PEX5L: variants seen among roughly 807,000 people sequenced by gnomAD.
PEX5L encodes peroxisomal biogenesis factor 5 like.
A neutral mutation model predicts 84.0 loss-of-function variants in PEX5L; 30 were observed. That is an observed-to-expected ratio of 0.36 (90% CI 0.27 to 0.48). The LOEUF (loss-of-function observed/expected upper bound fraction) is 0.48, where lower values mean the gene tolerates loss of function less well. Ranked by LOEUF, PEX5L falls within the 20% of genes least tolerant of loss-of-function variation. PEX5L has a pLI of 0.99. For missense variants in PEX5L, 533 were observed against 754.6 expected (o/e 0.71, Z 3.44); for synonymous variants, 270 against 283.1 (o/e 0.95, Z 0.46).
intron 2 of PEX5L, among the ~76,000 whole-genome samples, chr3:179,953,403 C>G (rs1779639739): frequency 6.6e-6 from 1 of 151,940 alleles, no homozygotes; most frequent in Admixed American, 6.6e-5. Flanking sequence ...AACAAATTTA[C>G]AAGAAAAAAA....
chr3:179,891,054 C>T (rs1197880959), intron 3 of PEX5L, among the ~76,000 whole-genome samples: 1 of 151,038 alleles, frequency 6.6e-6, no homozygotes, highest in Non-Finnish European at 1.5e-5. Flanking sequence ...CTCAGATTTA[C>T]TCAGCATACA....
At chr3:180,030,224 T>C (rs1387003474) in intron 1 of PEX5L, among the ~76,000 whole-genome samples, 1 of 152,172 alleles carries the variant, frequency 6.6e-6, no homozygotes, top group Non-Finnish European at 1.5e-5. Context: ...ATGGTGCTTC[T>C]CACTGGGTTT....
intron 8 of PEX5L, among the ~76,000 whole-genome samples, chr3:179,854,194 C>T (rs558762198): frequency 3.2e-4 from 48 of 151,582 alleles, no homozygotes; most frequent in African/African-American, 1.1e-3. Flanking sequence ...AAGATCCTCA[C>T]CCATATAAGG....
At chr3:179,945,493 G>A (rs1371557678) in intron 2 of PEX5L, among the ~76,000 whole-genome samples, 2 of 152,166 alleles carry the variant, frequency 1.3e-5, no homozygotes, top group Non-Finnish European at 2.9e-5. Flanking sequence ...TCTACCACTT[G>A]AGGTTGTGAT....
At chr3:179,807,574 T>G (rs1378111453) in intron 14 of PEX5L, 100 bp downstream of exon 14, 1 of 1,135,112 alleles carries the variant, frequency 8.8e-7, no homozygotes, top group Non-Finnish European at 1.3e-6. Flanking sequence ...GGAGGAATAC[T>G]CCTACCAAGG....
At chr3:179,947,611 G>A (rs1484307984) in intron 2 of PEX5L, among the ~76,000 whole-genome samples, 1 of 151,508 alleles carries the variant, frequency 6.6e-6, no homozygotes, top group Non-Finnish European at 1.5e-5. Context: ...ACAATATAAA[G>A]ATAGTACTGA....
rs115078406 is a variant in PEX5L at position 179,820,110 on chromosome 3, G to A, written c.823-134C>T. 2.2e-3 allele frequency: 2,848 copies of A among 1,270,224 alleles called. 31 individuals carry two copies. The African/African-American group carries it at 0.033, about 15-fold the overall frequency. The allele number at this position is 1,270,224 out of a possible 1,614,324, so 78.7% of individuals were successfully genotyped here. A position where few individuals can be genotyped will look rare whatever the true frequency, so the allele number is the denominator to read the frequency against. On this transcript the variant is annotated intron_variant, in intron 8 of 14. Coordinates refer to ENST00000467460, the MANE Select transcript of PEX5L (RefSeq NM_016559.3). ...GGCTGATGACATCCAACTGATAGGC[G>A]TGGCTGAAGAGCTTCTGGAGGGTAC...
In PEX5L at chr3:179,928,196, A is replaced by C. The variant is rs1772012412; in HGVS notation, c.94-29950T>G. On this transcript the variant is annotated intron_variant, in intron 2 of 14. Transcript: ENST00000467460. ...GAGTAAAACCAGTTTGCACGCTTAC[A>C]GGAAGCCAGATTGTGAGCCTTTGGG... Among the ~76,000 whole-genome samples the C allele has an allele frequency of 2.0e-5, 3 of 152,234 alleles. No homozygotes were observed. In the South Asian group the frequency reaches 6.2e-4, roughly 31 times the overall value.
At chr3:179,867,860 T>C (rs953879287) in intron 7 of PEX5L, among the ~76,000 whole-genome samples, 5 of 152,166 alleles carry the variant, frequency 3.3e-5, no homozygotes, top group Non-Finnish European at 7.4e-5. Context: ...AATAAAGTGA[T>C]ACACATTCTT....
At chr3:179,954,932 G>C (rs555778331) in intron 2 of PEX5L, among the ~76,000 whole-genome samples, 143 of 152,020 alleles carry the variant, frequency 9.4e-4, no homozygotes, top group African/African-American at 3.3e-3. Flanking sequence ...AAATTGGACA[G>C]TTAGGGCATA....
intron 8 of PEX5L, among the ~76,000 whole-genome samples, chr3:179,852,227 G>A (rs1262359556): frequency 6.6e-6 from 1 of 152,180 alleles, no homozygotes; most frequent in Admixed American, 6.5e-5. Flanking sequence ...AGGGTCTGGA[G>A]AATCCATTCG....
chr3:179,902,430 CT>C (rs1200924885), intron 2 of PEX5L, among the ~76,000 whole-genome samples: 2 of 152,204 alleles, frequency 1.3e-5, no homozygotes, highest in African/African-American at 2.4e-5. Context: ...CAAACATTTT[CT>C]GAGAAATATC....
intron 8 of PEX5L, among the ~76,000 whole-genome samples, chr3:179,839,780 C>T (rs1279606350): frequency 6.6e-6 from 1 of 152,096 alleles, no homozygotes; most frequent in East Asian, 1.9e-4. Context: ...AATAAAAATA[C>T]ACAAATAAAT....
chr3:179,830,992 A>G (rs898951939), intron 8 of PEX5L, among the ~76,000 whole-genome samples: 23 of 152,208 alleles, frequency 1.5e-4, no homozygotes, highest in African/African-American at 5.3e-4. Context: ...TATGTAAGTA[A>G]GATCACATTT....
intron 8 of PEX5L, among the ~76,000 whole-genome samples, chr3:179,821,147 C>T (rs1041476443): frequency 2.0e-5 from 3 of 152,170 alleles, no homozygotes; most frequent in African/African-American, 7.2e-5. Flanking sequence ...TTTTCTGACA[C>T]TACATAAGCC....
At chr3:180,017,292 T>C (rs1309575205) in intron 1 of PEX5L, among the ~76,000 whole-genome samples, 2 of 152,196 alleles carry the variant, frequency 1.3e-5, no homozygotes, top group Non-Finnish European at 2.9e-5. Context: ...GAAAGGGACA[T>C]TTTCCTCACA....
chr3:179,875,359 G>A lies in PEX5L; in HGVS notation c.624C>T (p.Leu208=). 1 of 1,613,846 alleles carries A rather than the reference G, an allele frequency of 6.2e-7. No individual in the cohort carries two copies. Among genetic ancestry groups the A allele is most frequent in the Non-Finnish European group, 8.5e-7 (1 of 1,179,806 alleles). ...SSSSRTGSKE[L]LWSSEHRSQP... ...CTGGTATTAAAATACCTTACCATAA[G>A]AGCTCTTTTGATCCAGTTCTAGATG... The change falls in exon 6 of 15, where the codon CTC becomes CTT. Residue 208 remains leucine, a synonymous_variant. Transcript: ENST00000467460.
intron 8 of PEX5L, among the ~76,000 whole-genome samples, chr3:179,844,350 C>A (rs1259035364): frequency 1.3e-5 from 2 of 152,272 alleles, no homozygotes; most frequent in African/African-American, 2.4e-5. Context: ...TGTATTATTG[C>A]CACCTGGCTA....
chr3:179,959,861 T>G (rs1781577706), intron 2 of PEX5L, among the ~76,000 whole-genome samples: 2 of 152,178 alleles, frequency 1.3e-5, no homozygotes, highest in Non-Finnish European at 2.9e-5. Context: ...GACAAATTAT[T>G]TTTTAGAACT....
Sources: allele counts gnomAD v4.1 joint callset (sites outside exome capture counted in the v4.1 genomes callset), GRCh38; gene constraint gnomAD v4.1.1; transcripts MANE v1.5; gene names NCBI Gene and HGNC (gene_info 2026-07-23, HGNC 2026-07-21).